Variants in MAP3K5 observed in about 807,000 individuals in gnomAD.
The protein encoded by MAP3K5 is ASK-1.
In MAP3K5, 56 loss-of-function variants were observed where a neutral mutation model predicts 158.7. The ratio of observed to expected loss-of-function variants is 0.35; its 90% CI spans 0.28 to 0.44. The LOEUF (loss-of-function observed/expected upper bound fraction) is 0.44, where lower values mean the gene tolerates loss of function less well. MAP3K5 is among the 20% of genes least tolerant of loss of function. The pLI is 1.00. For synonymous variants in MAP3K5, 579 were observed against 601.7 expected, an observed-to-expected ratio of 0.96 and a Z score of 0.55; for missense variants, 1,294 against 1,674.8, an observed-to-expected ratio of 0.77 and a Z score of 3.97.
intron 21 of MAP3K5, chr6:136,593,582 C>T: frequency 6.2e-6 from 2 of 323,170 alleles, no homozygotes; most frequent in South Asian, 2.6e-5. Context: ...TATGCCTGAA[C>T]AGTTCACAGA....
chr6:136,698,586 G>A lies in MAP3K5; in HGVS notation c.709C>T (p.Leu237Phe). The change falls in exon 4 of 30, where the codon CTC becomes TTC. Residue 237 changes from leucine (L) to phenylalanine (F), a missense_variant. Around this residue, in one of 5 missense-constraint regions of MAP3K5, gnomAD observed 690 missense variants for 870.5 expected, o/e 0.79. Transcript: ENST00000359015. ...DSSFMKGLTELMQPNFELLLG... is the reference protein window; with the variant it reads ...DSSFMKGLTEFMQPNFELLLG... The stretch of plus-strand genomic sequence containing the variant: ...AGCAGCTCGAAGTTCGGTTGCATGA[G>A]CTCTGTCAACCCCTTCATGAAGCTG... 3 of 1,614,006 alleles carry A rather than the reference G, an allele frequency of 1.9e-6. No homozygotes were observed. Among genetic ancestry groups the A allele is most frequent in the Non-Finnish European group, 2.5e-6 (3 of 1,179,946 alleles).
intron 23 of MAP3K5, among the ~76,000 whole-genome samples, chr6:136,590,484 G>T (rs1319243070): frequency 6.6e-6 from 1 of 151,772 alleles, no homozygotes; most frequent in African/African-American, 2.4e-5. Context: ...AGAAAAAAAA[G>T]AATTGATTCC....
chr6:136,710,060 T>C (rs1231657680), intron 2 of MAP3K5, among the ~76,000 whole-genome samples: 1 of 152,244 alleles, frequency 6.6e-6, no homozygotes, highest in Non-Finnish European at 1.5e-5. Flanking sequence ...CAGTTTATCA[T>C]GTAACCTTAA....
chr6:136,757,664 T>C (rs1000115453), intron 1 of MAP3K5, among the ~76,000 whole-genome samples: 11 of 149,704 alleles, frequency 7.3e-5, no homozygotes, highest in Non-Finnish European at 1.5e-4. Context: ...CTTGGCTCAC[T>C]GCAACCTCCA....
chr6:136,637,469 A>T, intron 13 of MAP3K5, 63 bp from the exon 14 acceptor site: 1 of 982,334 alleles, frequency 1.0e-6, no homozygotes. Flanking sequence ...AAGCAAGTAC[A>T]TCTCAAAGTG....
chr6:136,778,028 A>G (rs1422760145), intron 1 of MAP3K5, among the ~76,000 whole-genome samples: 2 of 152,216 alleles, frequency 1.3e-5, no homozygotes, highest in Non-Finnish European at 2.9e-5. Context: ...AAATTCCACT[A>G]CTAGGAAAAT....
At position 136,633,502 on chromosome 6, in the gene MAP3K5, G is replaced by T. The variant is rs375603132; in HGVS notation, c.2016+3823C>A. Among the ~76,000 whole-genome samples the T allele has an allele frequency of 9.2e-5, 14 of 151,898 alleles. No individual in the cohort carries two copies. The East Asian group carries it at 1.5e-3, about 17-fold the overall frequency. ...TTAGCCCAGCGGGAGTATGAACTTT[G>T]TCTGGGGTTATGAAACTGACTGTTG... On this transcript the variant is annotated intron_variant, in intron 14 of 29. Coordinates refer to ENST00000359015, the MANE Select transcript of MAP3K5 (RefSeq NM_005923.4).
At chr6:136,664,525 T>C (rs1779145873) in intron 8 of MAP3K5, among the ~76,000 whole-genome samples, 1 of 152,192 alleles carries the variant, frequency 6.6e-6, no homozygotes, top group African/African-American at 2.4e-5. Flanking sequence ...TGCTCTAGTG[T>C]GCTCACCTTC....
chr6:136,655,310 T>C (rs1042405907), intron 10 of MAP3K5, among the ~76,000 whole-genome samples: 1 of 152,192 alleles, frequency 6.6e-6, no homozygotes, highest in Admixed American at 6.5e-5. Context: ...AAGGTAAGTA[T>C]TTTCCTAGGC....
intron 25 of MAP3K5, among the ~76,000 whole-genome samples, chr6:136,575,245 T>C (rs959330838): frequency 1.3e-5 from 2 of 151,314 alleles, no homozygotes; most frequent in African/African-American, 4.9e-5. Context: ...CACTGTGGCC[T>C]TGACCTCCTG....
intron 3 of MAP3K5, among the ~76,000 whole-genome samples, chr6:136,700,797 C>A (rs537102889): frequency 9.9e-5 from 15 of 152,216 alleles, no homozygotes; most frequent in African/African-American, 3.6e-4. Context: ...GTGGGAGAGA[C>A]CTCTATGAGA....
chr6:136,773,657 T>C (rs1784297735), intron 1 of MAP3K5, among the ~76,000 whole-genome samples: 1 of 152,114 alleles, frequency 6.6e-6, no homozygotes, highest in South Asian at 2.1e-4. Flanking sequence ...GGTTCGTTGG[T>C]TGTTTTCTGA....
At chr6:136,650,798 A>T (rs1778486402) in intron 11 of MAP3K5, among the ~76,000 whole-genome samples, 186 bp downstream of exon 11, 1 of 152,354 alleles carries the variant, frequency 6.6e-6, no homozygotes, top group Non-Finnish European at 1.5e-5. Context: ...TTTTATTAAT[A>T]CTGATAAAAA....
intron 10 of MAP3K5, 74 bp downstream of exon 10, chr6:136,656,233 G>C (rs919491959): frequency 2.2e-6 from 3 of 1,380,156 alleles, no homozygotes; most frequent in Admixed American, 1.7e-5. Flanking sequence ...CAGCCCCCAA[G>C]CACTGATACA....
chr6:136,659,417 C>T, intron 8 of MAP3K5, 39 bp from the exon 9 acceptor site: 1 of 1,590,018 alleles, frequency 6.3e-7, no homozygotes, highest in Non-Finnish European at 8.6e-7. Flanking sequence ...ACAAATGCAC[C>T]CCACACAGGT....
rs369824011 is a variant in MAP3K5, at chr6:136,659,293, G to C, written c.1452C>G (p.Ala484=). The part of the protein sequence containing the change: ...SYWEVGFFLG[A]SVLANDHMRV... ...TCATGTGGTCATTGGCTAGGACGCT[G>C]GCCCCCAGAAAAAATCCAACTTCCC... Residue 484 remains alanine (A), a synonymous_variant, in exon 9 of 30, where the codon GCC becomes GCG. Coordinates refer to ENST00000359015, the MANE Select transcript of MAP3K5 (RefSeq NM_005923.4). The C allele has an allele frequency of 1.2e-6, 2 of 1,613,888 alleles. No individual in the cohort carries two copies. The highest frequency in any genetic ancestry group is 2.7e-5 in the African/African-American group (2 of 74,850).
At chr6:136,588,805 C>T (rs1312554496) in intron 23 of MAP3K5, among the ~76,000 whole-genome samples, 2 of 152,188 alleles carry the variant, frequency 1.3e-5, no homozygotes, top group African/African-American at 4.8e-5. Context: ...CCAGTCTCCA[C>T]CGCCACGAAG....
At chr6:136,720,713 T>C (rs908196791) in intron 1 of MAP3K5, 124 bp from the exon 2 acceptor site, 2 of 704,802 alleles carry the variant, frequency 2.8e-6, no homozygotes, top group Admixed American at 3.2e-5. Context: ...ATTTTCTCTC[T>C]TCATTTATCA....
chr6:136,715,339 TAGCAACC>T, intron 2 of MAP3K5, among the ~76,000 whole-genome samples: 1 of 152,188 alleles, frequency 6.6e-6, no homozygotes, highest in South Asian at 2.1e-4. Flanking sequence ...TAAAAGAATA[TAGCAACC>T]TTTTCCTTTT....
Sources: gnomAD v4.1 joint callset for allele counts (sites outside exome capture counted in the v4.1 genomes callset) on GRCh38, gnomAD v4.1.1 for gene constraint, gnomAD v4.1.1 regional missense constraint, MANE v1.5 for transcripts, NCBI Gene and HGNC (gene_info 2026-07-23, HGNC 2026-07-21) for gene names.